OMA1: variants seen among roughly 807,000 people sequenced by gnomAD.
OMA1 encodes OMA1 zinc metallopeptidase.
A neutral mutation model predicts 30.9 loss-of-function variants in OMA1; 38 were observed. The observed-to-expected ratio is 1.23, with a 90% CI of 0.95 to 1.61. The LOEUF is 1.61. OMA1 is among the 40% of genes most tolerant of loss of function. The pLI is 0.00. For synonymous variants in OMA1, 173 were observed against 121.9 expected (o/e 1.42, Z -2.76); for missense variants, 461 against 349.2 (o/e 1.32, Z -2.55).
chr1:58,480,771 T>C lies in OMA1; in HGVS notation c.*194A>G, dbSNP rs192515819. 44 of 445,504 alleles carry C rather than the reference T, an allele frequency of 9.9e-5. No individual in the cohort carries two copies. Among genetic ancestry groups the C allele is most frequent in the African/African-American group, 7.7e-4 (38 of 49,594 alleles). 27.6% of individuals were successfully genotyped at this position (445,504 alleles called of 1,614,324 possible). ...TGACATTTTCCTCATTGAAGATATTTTAACATAGATTAAAATACATCAATA... is the reference window on the plus strand; with the variant it reads ...TGACATTTTCCTCATTGAAGATATTCTAACATAGATTAAAATACATCAATA... On this transcript the variant is annotated 3_prime_UTR_variant, in exon 9 of 9. Coordinates refer to ENST00000371226, the MANE Select transcript of OMA1 (RefSeq NM_145243.5).
intron 1 of OMA1, among the ~76,000 whole-genome samples, chr1:58,541,293 C>CAAAAAA (rs71043292): frequency 1.5e-4 from 4 of 27,570 alleles, no homozygotes; most frequent in Non-Finnish European, 1.4e-4. Flanking sequence ...GACTCTGTCT[C>CAAAAAA]AAAAAAAAAA....
chr1:58,538,909 G>C lies in OMA1; in HGVS notation c.386C>G (p.Ser129Cys), dbSNP rs757792407. ...LSVLHPLSPA[S>C]IRAIRNFHTS... Reference sequence around the variant, plus strand: ...ATGGAAATTCCTAATAGCTCTTATGGAAGCAGGGCTTAGAGGATGCAATAC... The same window carrying C: ...ATGGAAATTCCTAATAGCTCTTATGCAAGCAGGGCTTAGAGGATGCAATAC... The change falls in exon 2 of 9, where the codon TCC (serine) becomes TGC (cysteine). Residue 129 changes from serine (S) to cysteine (C), a missense_variant. Physicochemically the swap from Ser to Cys is moderately radical, Grantham distance 112 (BLOSUM62 -1). Transcript: ENST00000371226. The C allele has an allele frequency of 1.1e-6, 1 of 872,876 alleles. No individual in the cohort carries two copies. Among genetic ancestry groups the C allele is most frequent in the African/African-American group, 1.6e-5 (1 of 61,440 alleles). 54.1% of individuals were successfully genotyped at this position (872,876 alleles called of 1,614,324 possible). A position where few individuals can be genotyped will look rare whatever the true frequency, so the allele number is the denominator to read the frequency against.
chr1:58,515,864 C>T (rs1646150831), intron 7 of OMA1, among the ~76,000 whole-genome samples: 1 of 152,130 alleles, frequency 6.6e-6, no homozygotes, highest in African/African-American at 2.4e-5. Flanking sequence ...TAAATTAGCT[C>T]CAATTTTCTT....
intron 1 of OMA1, among the ~76,000 whole-genome samples, chr1:58,544,002 T>C (rs72672249): frequency 0.048 from 7,326 of 152,220 alleles, 222 homozygotes; most frequent in African/African-American, 0.063. Context: ...CAGTACAGGT[T>C]TGTAGGGTCC....
chr1:58,520,057 G>T (rs1019227505), intron 7 of OMA1, among the ~76,000 whole-genome samples: 4 of 152,106 alleles, frequency 2.6e-5, no homozygotes, highest in Non-Finnish European at 5.9e-5. Context: ...ACTACACATG[G>T]ACACAAAGAT....
At chr1:58,545,840 A>G (rs1437852336) in intron 1 of OMA1, among the ~76,000 whole-genome samples, 1 of 152,218 alleles carries the variant, frequency 6.6e-6, no homozygotes, top group Non-Finnish European at 1.5e-5. Context: ...ATTCAAGCAA[A>G]GTACACACAT....
chr1:58,532,330 T>G (rs1284747323), intron 5 of OMA1, among the ~76,000 whole-genome samples: 1 of 152,144 alleles, frequency 6.6e-6, no homozygotes, highest in Admixed American at 6.5e-5. Context: ...CTGATAGAGA[T>G]GACAATACAC....
intron 1 of OMA1, among the ~76,000 whole-genome samples, chr1:58,542,688 G>C (rs1183977270): frequency 6.6e-6 from 1 of 152,134 alleles, no homozygotes; most frequent in Non-Finnish European, 1.5e-5. Flanking sequence ...TTCTTTCCTT[G>C]ACCTCAAATC....
chr1:58,500,459 G>A (rs771915121), intron 8 of OMA1, among the ~76,000 whole-genome samples: 38 of 152,156 alleles, frequency 2.5e-4, no homozygotes, highest in African/African-American at 5.3e-4. Context: ...AATTATAAAC[G>A]TGTAAGAATG....
At chr1:58,484,082 G>A (rs113789020) in intron 8 of OMA1, among the ~76,000 whole-genome samples, 10 of 152,160 alleles carry the variant, frequency 6.6e-5, no homozygotes, top group African/African-American at 2.2e-4. Flanking sequence ...CCTTAAATTC[G>A]CTTATTCAGT....
chr1:58,533,999 G>GA lies in OMA1; in HGVS notation c.964dup (p.Ser322PhefsTer7). Reference sequence around the variant, plus strand: ...TGCTATTTCATGGCCCAGAAGGAAAGAAAGTTGATGAATATCGGTTACACT... The same window carrying GA: ...TGCTATTTCATGGCCCAGAAGGAAAGAAAAGTTGATGAATATCGGTTACACT... On this transcript the variant is annotated frameshift_variant, in exon 5 of 9. Coordinates refer to ENST00000371226, the MANE Select transcript of OMA1 (RefSeq NM_145243.5). LOFTEE classifies it high-confidence loss of function. 1.1e-6 allele frequency: 1 copy of GA among 871,700 alleles called. No individual in the cohort carries two copies. Among genetic ancestry groups the GA allele is most frequent in the Admixed American group, 1.7e-5 (1 of 58,938 alleles). 54.0% of individuals were successfully genotyped at this position (871,700 alleles called of 1,614,324 possible). A position where few individuals can be genotyped will look rare whatever the true frequency, so the allele number is the denominator to read the frequency against.
chr1:58,526,940 G>A (rs11805835), intron 7 of OMA1, among the ~76,000 whole-genome samples: 20,216 of 152,052 alleles, frequency 0.13, 1,485 homozygotes, highest in African/African-American at 0.19. Flanking sequence ...TCATGTCTAT[G>A]ATCAAAAAAT....
intron 8 of OMA1, among the ~76,000 whole-genome samples, chr1:58,502,940 T>C (rs1308251536): frequency 6.6e-6 from 1 of 152,210 alleles, no homozygotes; most frequent in Non-Finnish European, 1.5e-5. Context: ...ATGTCTCACG[T>C]CTTTGTCTTC....
At chr1:58,536,819 AT>A in intron 2 of OMA1, 78 bp from the exon 3 acceptor site, 1 of 745,926 alleles carries the variant, frequency 1.3e-6, no homozygotes, top group Non-Finnish European at 2.3e-6. Flanking sequence ...ATACACTAGA[AT>A]TTTACGTCCT....
rs138541701 is a variant in OMA1, at chr1:58,495,363, T to C, written c.1365+10697A>G. ...GCAGCACACCAACATGGCACATGTA[T>C]ATATATGTAACACACCTGCATGTTG... is the stretch of plus-strand genomic sequence containing the variant. On this transcript the variant is annotated intron_variant, in intron 8 of 8. Transcript: ENST00000371226. 2.2e-4 allele frequency among the ~76,000 whole-genome samples: 34 copies of C among 152,260 alleles called. No individual in the cohort carries two copies. The East Asian group carries it at 6.6e-3, about 29-fold the overall frequency.
intron 6 of OMA1, 108 bp downstream of exon 6, chr1:58,530,493 T>C (rs1385228670): frequency 2.9e-5 from 19 of 661,316 alleles, no homozygotes; most frequent in Non-Finnish European, 4.2e-5. Flanking sequence ...TTCGTACCCA[T>C]ATTTCATAGT....
intron 7 of OMA1, among the ~76,000 whole-genome samples, chr1:58,519,404 G>A (rs906541410): frequency 4.6e-5 from 7 of 152,100 alleles, no homozygotes; most frequent in Non-Finnish European, 1.0e-4. Flanking sequence ...ACAGAGGAAA[G>A]GCCAATATAT....
rs1646197339 is a variant in OMA1 at position 58,518,272 on chromosome 1, G to GAGAA, written c.1215+8988_1215+8989insTTCT. ...GAGAGGGGAGAGGGGAGAGGAGAGAGGAGAGGAGAAGAGAAGAGAAGAGAA... is the reference window on the plus strand; with the variant it reads ...GAGAGGGGAGAGGGGAGAGGAGAGAGAGAAGAGAGGAGAAGAGAAGAGAAGAGAA... On this transcript the variant is annotated intron_variant, in intron 7 of 8. Transcript: ENST00000371226. Among the ~76,000 whole-genome samples, 2 of 650 alleles carry GAGAA rather than the reference G, an allele frequency of 3.1e-3. 1 individual carries two copies. The highest frequency in any genetic ancestry group is 0.011 in the Non-Finnish European group (2 of 186). The allele number at this position is 650 out of a possible 152,430, so 0.4% of individuals were successfully genotyped here.
chr1:58,518,519 GT>G (rs1646209120), intron 7 of OMA1, among the ~76,000 whole-genome samples: 1 of 151,902 alleles, frequency 6.6e-6, no homozygotes, highest in South Asian at 2.1e-4. Context: ...AGAAGTTTAG[GT>G]AAAAGATGCT....
Sources: allele counts gnomAD v4.1 joint callset (sites outside exome capture counted in the v4.1 genomes callset), GRCh38; gene constraint gnomAD v4.1.1; transcripts MANE v1.5; gene names NCBI Gene and HGNC (gene_info 2026-07-23, HGNC 2026-07-21).